The following UST variants were observed in gnomAD, a reference collection of about 807,000 sequenced individuals.
UST encodes the protein chondroitin sulfate 2-O-sulfotransferase.
UST carries 21 observed loss-of-function variants against 45.6 expected under a neutral mutation model. The ratio of observed to expected loss-of-function variants is 0.46; its 90% CI spans 0.33 to 0.66. UST has a LOEUF of 0.66. Ranked by LOEUF, UST falls within the 30% of genes least tolerant of loss-of-function variation. The pLI is 0.02. For synonymous variants in UST, 215 were observed against 200.6 expected, an observed-to-expected ratio of 1.07 and a Z score of -0.61; for missense variants, 463 against 512.4, an observed-to-expected ratio of 0.90 and a Z score of 0.93.
intron 3 of UST, among the ~76,000 whole-genome samples, chr6:148,947,709 C>T (rs17080392): frequency 0.022 from 3,413 of 152,224 alleles, 43 homozygotes; most frequent in Non-Finnish European, 0.027. Context: ...TTTGGAAAAG[C>T]CTCGCTTAGA....
At chr6:148,818,733 T>C (rs1304421445) in intron 1 of UST, among the ~76,000 whole-genome samples, 1 of 152,232 alleles carries the variant, frequency 6.6e-6, no homozygotes. Flanking sequence ...CAGGATTATG[T>C]TGTTCATTGG....
At chr6:148,901,890 G>T (rs1779265671) in intron 2 of UST, among the ~76,000 whole-genome samples, 1 of 152,098 alleles carries the variant, frequency 6.6e-6, no homozygotes, top group South Asian at 2.1e-4. Context: ...CAGTCCATTA[G>T]CCAGAACTTG....
chr6:148,867,189 G>A (rs931114815), intron 1 of UST, among the ~76,000 whole-genome samples: 1 of 151,722 alleles, frequency 6.6e-6, no homozygotes, highest in Non-Finnish European at 1.5e-5. Context: ...TTTGTCATTT[G>A]GCAGGCACAA....
intron 3 of UST, among the ~76,000 whole-genome samples, chr6:148,944,465 C>T (rs1378970372): frequency 6.6e-6 from 1 of 151,696 alleles, no homozygotes; most frequent in Non-Finnish European, 1.5e-5. Context: ...GGGCCACAGT[C>T]AAATTCACAC....
chr6:148,878,831 ATGAGTATGGGGATTATG>A (rs1778772422), intron 1 of UST, among the ~76,000 whole-genome samples: 1 of 151,368 alleles, frequency 6.6e-6, no homozygotes, highest in African/African-American at 2.4e-5. Context: ...GGGATTATGT[ATGAGTATGGGGATTATG>A]TGTGAGTGTG....
chr6:148,944,119 G>T (rs2449393), intron 3 of UST, among the ~76,000 whole-genome samples: 20,501 of 151,732 alleles, frequency 0.14, 1,705 homozygotes, highest in Non-Finnish European at 0.19. Context: ...CTCCTTTTTT[G>T]GTAATTTATT....
At chr6:149,053,895 T>A (rs1182078035) in intron 7 of UST, among the ~76,000 whole-genome samples, 2 of 152,194 alleles carry the variant, frequency 1.3e-5, no homozygotes, top group African/African-American at 4.8e-5. Context: ...CTTAGAAACA[T>A]TGGCACAAGT....
intron 2 of UST, among the ~76,000 whole-genome samples, chr6:148,921,842 C>G (rs9498180): frequency 0.29 from 43,701 of 151,804 alleles, 6,860 homozygotes; most frequent in East Asian, 0.54. Context: ...GCTGTCCCCA[C>G]TGCCGCCACC....
chr6:148,953,750 T>C (rs2449394), intron 3 of UST, 122 bp from the exon 4 acceptor site: 194,523 of 397,108 alleles, frequency 0.49, 50,387 homozygotes, highest in East Asian at 0.7. Flanking sequence ...CCAGCCTGGG[T>C]GACAGAGCGA....
At chr6:148,807,417 C>T (rs1307080589) in intron 1 of UST, among the ~76,000 whole-genome samples, 1 of 152,132 alleles carries the variant, frequency 6.6e-6, no homozygotes, top group Non-Finnish European at 1.5e-5. Flanking sequence ...CTCCATTTAC[C>T]AACCATGTGG....
chr6:149,001,349 GC>G (rs1781546603), intron 5 of UST, among the ~76,000 whole-genome samples: 1 of 152,198 alleles, frequency 6.6e-6, no homozygotes. Context: ...GGGATTATAG[GC>G]ATAAGCCACC....
At chr6:148,882,127 G>T (rs1374122761) in intron 1 of UST, among the ~76,000 whole-genome samples, 3 of 152,126 alleles carry the variant, frequency 2.0e-5, no homozygotes, top group African/African-American at 7.2e-5. Flanking sequence ...AGGGCCCATG[G>T]TCCAGGTGCC....
intron 2 of UST, among the ~76,000 whole-genome samples, chr6:148,936,323 T>G (rs1780025477): frequency 6.6e-6 from 1 of 152,152 alleles, no homozygotes; most frequent in Non-Finnish European, 1.5e-5. Context: ...CTAAATTGCT[T>G]CTGGACCTCA....
chr6:149,007,223 G>A (rs369090595), intron 5 of UST, among the ~76,000 whole-genome samples: 19 of 138,508 alleles, frequency 1.4e-4, no homozygotes, highest in African/African-American at 4.1e-4. Context: ...AGGTTCAAGC[G>A]ATTCTCCTGC....
At chr6:148,894,408 G>C (rs1383143928) in intron 2 of UST, among the ~76,000 whole-genome samples, 3 of 152,194 alleles carry the variant, frequency 2.0e-5, no homozygotes, top group African/African-American at 7.2e-5. Context: ...TTTGGACACA[G>C]AGATAGAGAC....
intron 5 of UST, among the ~76,000 whole-genome samples, chr6:148,982,705 G>A (rs550183229): frequency 6.6e-6 from 1 of 152,342 alleles, no homozygotes; most frequent in African/African-American, 2.4e-5. Flanking sequence ...AAGCACTTCT[G>A]TTATGCTTAG....
intron 7 of UST, among the ~76,000 whole-genome samples, chr6:149,052,311 A>G (rs967055148): frequency 1.3e-5 from 2 of 152,242 alleles, no homozygotes; most frequent in African/African-American, 4.8e-5. Context: ...CAGTCATAAT[A>G]TTAATAGTTG....
chr6:149,052,638 T>G (rs1283923625), intron 7 of UST, among the ~76,000 whole-genome samples: 1 of 152,118 alleles, frequency 6.6e-6, no homozygotes, highest in African/African-American at 2.4e-5. Context: ...ATCTAAAACA[T>G]GATTATCTGA....
chr6:148,963,424 A>G (rs961261341), intron 4 of UST, among the ~76,000 whole-genome samples: 2 of 152,200 alleles, frequency 1.3e-5, no homozygotes, highest in African/African-American at 4.8e-5. Context: ...CAAGCAGTTC[A>G]AAGAGAAAAA....
Sources: allele counts gnomAD v4.1 joint callset (sites outside exome capture counted in the v4.1 genomes callset), GRCh38; gene constraint gnomAD v4.1.1; transcripts MANE v1.5; gene names NCBI Gene and HGNC (gene_info 2026-07-23, HGNC 2026-07-21).